The following INPP1 variants were observed in gnomAD, a reference collection of about 807,000 sequenced individuals.
INPP1 encodes inositol polyphosphate 1-phosphatase.
INPP1 carries 18 observed loss-of-function variants against 23.0 expected under a neutral mutation model. That is an observed-to-expected ratio of 0.78 (90% CI 0.54 to 1.16). INPP1 has a LOEUF of 1.16. Ranked by LOEUF, INPP1 falls within the 50% of genes most tolerant of loss-of-function variation. INPP1 has a pLI of 0.00. For missense variants in INPP1, 448 were observed against 482.1 expected, an observed-to-expected ratio of 0.93 and a Z score of 0.66; for synonymous variants, 164 against 176.3, an observed-to-expected ratio of 0.93 and a Z score of 0.55.
intron 3 of INPP1, among the ~76,000 whole-genome samples, chr2:190,360,822 G>A (rs1303263681): frequency 6.6e-6 from 1 of 151,798 alleles, no homozygotes; most frequent in Non-Finnish European, 1.5e-5. Context: ...CTACCTTGTG[G>A]ATCTCATCAT....
At chr2:190,349,244 C>A (rs186912863) in intron 2 of INPP1, among the ~76,000 whole-genome samples, 1 of 152,160 alleles carries the variant, frequency 6.6e-6, no homozygotes, top group Non-Finnish European at 1.5e-5. Flanking sequence ...TTGAGACCAG[C>A]CTTGCCAACA....
In INPP1 at chr2:190,346,133, G is replaced by A. The variant is rs2124909457; in HGVS notation, c.-209+2172G>A. Among the ~76,000 whole-genome samples the A allele has an allele frequency of 6.6e-6, 1 of 152,342 alleles. No homozygotes were observed. Among genetic ancestry groups the A allele is most frequent in the African/African-American group, 2.4e-5 (1 of 41,580 alleles). On this transcript the variant is annotated intron_variant, in intron 1 of 6. Coordinates refer to ENST00000392329, the MANE Select transcript of INPP1 (RefSeq NM_001128928.2). The surrounding 1 kb of genome is among the most constrained non-coding windows in gnomAD (Gnocchi z 5.1). The stretch of plus-strand genomic sequence containing the variant: ...GTAGGCAAGTCGGGGAGTGGGTAGA[G>A]TATAATAGTGGTTTAAAAGATTCCC...
rs756016574 is a variant in INPP1, at chr2:190,368,919, T to A, written c.467-184T>A. ...CCTCTCCCTTCAAGAGTTCTCACAG[T>A]CAGGAAAATGAAACACAAGCAATTT... On this transcript the variant is annotated intron_variant, in intron 5 of 6. Transcript: ENST00000392329. This position sits in a 1 kb window ranked among gnomAD's most constrained non-coding sequence, Gnocchi z 4.3. The A allele has an allele frequency of 4.9e-6, 2 of 409,344 alleles. No homozygotes were observed. The highest frequency in any genetic ancestry group is 8.7e-6 in the Non-Finnish European group (2 of 229,924). The allele number at this position is 409,344 out of a possible 1,614,324, so 25.4% of individuals were successfully genotyped here.
chr2:190,350,234 T>C (rs796108848), intron 2 of INPP1, among the ~76,000 whole-genome samples: 55 of 152,376 alleles, frequency 3.6e-4, no homozygotes, highest in African/African-American at 1.3e-3. Context: ...TATAAAATTG[T>C]TACGTTACTA....
rs33977422 is a variant in INPP1, at chr2:190,354,939, T to TGC, written c.-64-5099_-64-5098insCG. On this transcript the variant is annotated intron_variant, in intron 2 of 6. Coordinates refer to ENST00000392329, the MANE Select transcript of INPP1 (RefSeq NM_001128928.2). The surrounding 1 kb of genome is among the most constrained non-coding windows in gnomAD (Gnocchi z 4.8). ...TATCAACTAGGGGTGTGTGTGTGTG[T>TGC]GTGTGTGCATTTTTTTTTTTTTTGC... 7.9e-3 allele frequency among the ~76,000 whole-genome samples: 995 copies of TGC among 126,332 alleles called. 13 individuals carry two copies. The highest frequency in any genetic ancestry group is 0.037 in the African/African-American group (902 of 24,326). 82.9% of individuals were successfully genotyped at this position (126,332 alleles called of 152,430 possible).
Position 190,360,072 on chromosome 2 carries a change from A to C in INPP1, c.-31A>C. On this transcript the variant is annotated 5_prime_UTR_variant, in exon 3 of 7. Coordinates refer to ENST00000392329, the MANE Select transcript of INPP1 (RefSeq NM_001128928.2). ...CCAGAGGGTGGGTGCCAATTCCACC[A>C]GCAGCTGCAACTGAAAAGCAAGGTT... 1 of 1,606,154 alleles carries C rather than the reference A, an allele frequency of 6.2e-7. No individual in the cohort carries two copies.
chr2:190,362,256 C>G (rs1354520870), intron 3 of INPP1, among the ~76,000 whole-genome samples: 1 of 152,154 alleles, frequency 6.6e-6, no homozygotes, highest in Non-Finnish European at 1.5e-5. Flanking sequence ...CTTGTATAAG[C>G]TACTGGGATG....
At position 190,371,542 on chromosome 2, in the gene INPP1, T is replaced by A; in HGVS notation, c.*140T>A. 3.8e-6 allele frequency: 2 copies of A among 532,820 alleles called. No homozygotes were observed. The highest frequency in any genetic ancestry group is 6.3e-6 in the Non-Finnish European group (2 of 315,062). 33.0% of individuals were successfully genotyped at this position (532,820 alleles called of 1,614,324 possible). Reference sequence around the variant, plus strand: ...TGAGGAGTATTTTTCCATTATGTATTCATAATAATGTTAATTTCAATAAAT... The same window carrying A: ...TGAGGAGTATTTTTCCATTATGTATACATAATAATGTTAATTTCAATAAAT... On this transcript the variant is annotated 3_prime_UTR_variant, in exon 7 of 7. Coordinates refer to ENST00000392329, the MANE Select transcript of INPP1 (RefSeq NM_001128928.2). The surrounding 1 kb of genome is among the most constrained non-coding windows in gnomAD (Gnocchi z 5.3).
chr2:190,357,280 T>C (rs1689437093), intron 2 of INPP1, among the ~76,000 whole-genome samples: 1 of 152,212 alleles, frequency 6.6e-6, no homozygotes, highest in African/African-American at 2.4e-5. Flanking sequence ...CCCCAAGACA[T>C]TTAAAAATGT....
intron 4 of INPP1, among the ~76,000 whole-genome samples, chr2:190,364,101 A>G (rs955421091): frequency 6.6e-6 from 1 of 152,174 alleles, no homozygotes; most frequent in Non-Finnish European, 1.5e-5. Context: ...ATTATTCCCC[A>G]ACTTTAACAG....
In INPP1 at chr2:190,352,160, G is replaced by A. The variant is rs1033948126; in HGVS notation, c.-65+3129G>A. On this transcript the variant is annotated intron_variant, in intron 2 of 6. Transcript: ENST00000392329. This position sits in a 1 kb window ranked among gnomAD's most constrained non-coding sequence, Gnocchi z 4.7. ...GAACTGATTCTGAGAAGGTGAGTGA[G>A]CATTAGGTCGAGAAAGCAGGAAGAA... 1.1e-4 allele frequency among the ~76,000 whole-genome samples: 16 copies of A among 152,140 alleles called. No individual in the cohort carries two copies. The highest frequency in any genetic ancestry group is 3.9e-4 in the African/African-American group (16 of 41,416).
At chr2:190,347,944 C>A (rs949646252) in intron 1 of INPP1, among the ~76,000 whole-genome samples, 1 of 152,164 alleles carries the variant, frequency 6.6e-6, no homozygotes, top group South Asian at 2.1e-4. Flanking sequence ...TCGAGACCAG[C>A]CTGGCCAACA....
intron 3 of INPP1, among the ~76,000 whole-genome samples, chr2:190,360,731 T>G (rs547551106): frequency 6.6e-6 from 1 of 152,242 alleles, no homozygotes; most frequent in Non-Finnish European, 1.5e-5. Flanking sequence ...TGTGTGTACA[T>G]GACACATACA....
rs1044984603 is a variant in INPP1, at chr2:190,368,557, G to A, written c.467-546G>A. The A allele has an allele frequency of 1.3e-5, 2 of 152,140 alleles. No individual in the cohort carries two copies. The highest frequency in any genetic ancestry group is 3.9e-4 in the East Asian group (2 of 5,194). The allele number at this position is 152,140 out of a possible 1,614,324, so 9.4% of individuals were successfully genotyped here. ...ATGTTTTGACACAGGCACACAATGT[G>A]AGATAAGCACATCATAGAGAATGGG... On this transcript the variant is annotated intron_variant, in intron 5 of 6. Coordinates refer to ENST00000392329, the MANE Select transcript of INPP1 (RefSeq NM_001128928.2). The surrounding 1 kb of genome is among the most constrained non-coding windows in gnomAD (Gnocchi z 4.3).
intron 3 of INPP1, among the ~76,000 whole-genome samples, chr2:190,360,963 A>G (rs971107900): frequency 1.3e-5 from 2 of 152,076 alleles, no homozygotes; most frequent in African/African-American, 4.8e-5. Context: ...AATGATTACG[A>G]CTCTTTCTGG....
intron 1 of INPP1, 21 bp from the exon 2 acceptor site, chr2:190,348,867 T>C (rs570238444): frequency 1.3e-5 from 2 of 152,300 alleles, no homozygotes; most frequent in African/African-American, 4.8e-5. Flanking sequence ...TTTTTTATGT[T>C]TACAAAATGG....
rs932640360 is a variant in INPP1 at position 190,347,875 on chromosome 2, C to T, written c.-208-1013C>T. ...GATGGAGGCTGGGCATGGTGGCTCA[C>T]GCCTGTAATCCCAGCACTTTGGGAG... On this transcript the variant is annotated intron_variant, in intron 1 of 6. Coordinates refer to ENST00000392329, the MANE Select transcript of INPP1 (RefSeq NM_001128928.2). Among the ~76,000 whole-genome samples, 10 of 152,322 alleles carry T rather than the reference C, an allele frequency of 6.6e-5. No homozygotes were observed. In the South Asian group the frequency reaches 1.0e-3, roughly 16 times the overall value.
At chr2:190,347,364 A>C (rs1689239207) in intron 1 of INPP1, among the ~76,000 whole-genome samples, 1 of 152,162 alleles carries the variant, frequency 6.6e-6, no homozygotes, top group African/African-American at 2.4e-5. Flanking sequence ...AAAAAGAAAA[A>C]AAAATTTATT....
chr2:190,370,035 C>T (rs1053836339), intron 6 of INPP1, among the ~76,000 whole-genome samples: 6 of 152,182 alleles, frequency 3.9e-5, no homozygotes, highest in Non-Finnish European at 5.9e-5. Context: ...TTTCCCCCTA[C>T]CCCCACCATC....
Sources: allele counts gnomAD v4.1 joint callset (sites outside exome capture counted in the v4.1 genomes callset), GRCh38; gene constraint gnomAD v4.1.1; non-coding constraint Gnocchi (gnomAD v3.1); transcripts MANE v1.5; gene names NCBI Gene and HGNC (gene_info 2026-07-23, HGNC 2026-07-21).